The following PDE1C variants were observed in gnomAD, a reference collection of about 807,000 sequenced individuals.
The protein encoded by PDE1C is dual specificity calcium/calmodulin-dependent 3',5'-cyclic nucleotide phosphodiesterase 1C.
Under a neutral mutation model 93.1 loss-of-function variants are expected in PDE1C, and 62 were observed. The ratio of observed to expected loss-of-function variants is 0.67; its 90% CI spans 0.54 to 0.82. The LOEUF is 0.82. Ranked by LOEUF, PDE1C falls within the 40% of genes least tolerant of loss-of-function variation. The probability of loss-of-function intolerance (pLI) is 0.00; values close to 1 mark genes in which losing one functional copy is unlikely to be tolerated. For missense variants in PDE1C, 742 were observed against 884.6 expected (o/e 0.84, Z 2.04); for synonymous variants, 325 against 310.1 (o/e 1.05, Z -0.50).
At chr7:31,711,785 C>G in the PDE1C span, among the ~76,000 whole-genome samples, 6 of 152,172 alleles carry the variant, frequency 3.9e-5, no homozygotes, top group Non-Finnish European at 7.4e-5. Flanking sequence ...TAAAGTGACC[C>G]TTTTCAAACA....
chr7:32,101,952 G>C (rs1798062290), intron 3 of PDE1C, among the ~76,000 whole-genome samples: 2 of 152,154 alleles, frequency 1.3e-5, no homozygotes, highest in Non-Finnish European at 2.9e-5. Context: ...TAGAGTGAGG[G>C]TGAGAGAAAG....
intron 2 of PDE1C, among the ~76,000 whole-genome samples, chr7:32,027,929 T>C (rs145668358): frequency 6.6e-6 from 1 of 152,124 alleles, no homozygotes; most frequent in Non-Finnish European, 1.5e-5. Flanking sequence ...CAAGTCTTCT[T>C]GGGATTCAGA....
In PDE1C at chr7:31,873,348, G is replaced by T. The variant is rs371074341; in HGVS notation, c.553C>A (p.Leu185Met). The T allele has an allele frequency of 1.2e-6, 2 of 1,613,860 alleles. No individual in the cohort carries two copies. Among genetic ancestry groups the T allele is most frequent in the Non-Finnish European group, 1.7e-6 (2 of 1,179,798 alleles). Reference sequence around the variant, plus strand: ...AGTAGTTCATAGAAAATAAATTTCAGTGCATGATCCCCACTGGCCTCATTG... The same window carrying T: ...AGTAGTTCATAGAAAATAAATTTCATTGCATGATCCCCACTGGCCTCATTG... ...SLNEASGDHA[L>M]KFIFYELLTR... The change falls in exon 6 of 18, where the codon CTG becomes ATG. Residue 185 changes from leucine to methionine, a missense_variant. Physicochemically the swap from Leu to Met is conservative, Grantham distance 15. Around this residue, in one of 4 missense-constraint regions of PDE1C, gnomAD observed 205 missense variants for 295.3 expected, o/e 0.69. Transcript: ENST00000396191.
intron 2 of PDE1C, among the ~76,000 whole-genome samples, chr7:31,941,811 T>C (rs1190268450): frequency 6.6e-6 from 1 of 152,168 alleles, no homozygotes; most frequent in Non-Finnish European, 1.5e-5. Flanking sequence ...TCACTTGTGA[T>C]ATTATGACAA....
chr7:31,827,002 A>T lies in PDE1C; in HGVS notation c.1285+1290T>A, dbSNP rs563228688. Among the ~76,000 whole-genome samples, 17 of 152,342 alleles carry T rather than the reference A, an allele frequency of 1.1e-4. No individual in the cohort carries two copies. The South Asian group carries it at 1.2e-3, about 11-fold the overall frequency. ...TATTTACAAGAACAGGTGGTGGGCC[A>T]GATTAAGCCCACAGGCTAAAACATA... On this transcript the variant is annotated intron_variant, in intron 12 of 17. Transcript: ENST00000396191.
chr7:32,415,446 G>A (rs1236878526), intron 1 of PDE1C, among the ~76,000 whole-genome samples: 7 of 152,166 alleles, frequency 4.6e-5, no homozygotes, highest in South Asian at 2.1e-4. Flanking sequence ...GCAAGACTCC[G>A]TCTCAAAAAT....
intron 9 of PDE1C, 74 bp downstream of exon 9, chr7:31,847,894 C>G: frequency 6.6e-7 from 1 of 1,524,970 alleles, no homozygotes; most frequent in Non-Finnish European, 9.0e-7. Context: ...GTTCTTTTCT[C>G]AAAAACAGCA....
At chr7:32,395,380 AG>A (rs1222011573) in intron 1 of PDE1C, among the ~76,000 whole-genome samples, 6 of 152,162 alleles carry the variant, frequency 3.9e-5, no homozygotes, top group Non-Finnish European at 7.3e-5. Context: ...CAGAAAGATG[AG>A]GGGGGCAAGA....
chr7:32,383,497 G>A (rs1295402919), intron 1 of PDE1C, among the ~76,000 whole-genome samples: 1 of 152,220 alleles, frequency 6.6e-6, no homozygotes, highest in Admixed American at 6.5e-5. Flanking sequence ...GAAGCAAAAA[G>A]ACTTCAGATC....
chr7:31,709,762 A>G, the PDE1C span, among the ~76,000 whole-genome samples: 5 of 152,194 alleles, frequency 3.3e-5, no homozygotes. Flanking sequence ...CTGGCCAGGT[A>G]AAGTAGAAAT....
intron 1 of PDE1C, among the ~76,000 whole-genome samples, chr7:32,242,496 GAA>G (rs1431708039): frequency 4.6e-5 from 7 of 152,356 alleles, no homozygotes; most frequent in Non-Finnish European, 7.3e-5. Context: ...GTCGGTTAAT[GAA>G]AAGAGAAGGG....
intron 3 of PDE1C, chr7:32,077,807 G>T: frequency 1.1e-6 from 1 of 933,572 alleles, no homozygotes; most frequent in Non-Finnish European, 1.3e-6. Flanking sequence ...CTGACTTCAG[G>T]ATCCACCTGC....
intron 1 of PDE1C, among the ~76,000 whole-genome samples, chr7:32,279,133 G>A (rs1434855508): frequency 1.3e-5 from 2 of 152,128 alleles, no homozygotes; most frequent in African/African-American, 2.4e-5. Context: ...CACTAACATA[G>A]CGTAGCAAGT....
Position 32,127,563 on chromosome 7 carries a change from TAAG to T in PDE1C, c.308+42219_308+42221del, listed in dbSNP as rs760839918. ...CAGCAAAACTAAAAATAGAACCAAATAAGAAGTCAGGAAAAGAAAGTAACAAAT... is the reference window on the plus strand; with the variant it reads ...CAGCAAAACTAAAAATAGAACCAAATAAGTCAGGAAAAGAAAGTAACAAAT... On this transcript the variant is annotated intron_variant, in intron 3 of 18. Coordinates refer to the PDE1C transcript ENST00000396193. Among the ~76,000 whole-genome samples, 90 of 152,048 alleles carry T rather than the reference TAAG, an allele frequency of 5.9e-4. 1 individual carries two copies. The highest frequency in any genetic ancestry group is 2.2e-3 in the Admixed American group (33 of 15,264).
rs190820120 is a variant in PDE1C, at chr7:32,270,793, C to A, written c.85+27858G>T. Among the ~76,000 whole-genome samples, 174 of 152,168 alleles carry A rather than the reference C, an allele frequency of 1.1e-3. 1 individual carries two copies. Among genetic ancestry groups the A allele is most frequent in the African/African-American group, 4.0e-3 (166 of 41,520 alleles). On this transcript the variant is annotated intron_variant, in intron 1 of 18. Coordinates refer to the PDE1C transcript ENST00000396193. Reference sequence around the variant, plus strand: ...CCAGCTTTGCCATTTAGCAGCTTAACCACCTTGTGCCTCTGTTTCCTCCAA... The same window carrying A: ...CCAGCTTTGCCATTTAGCAGCTTAAACACCTTGTGCCTCTGTTTCCTCCAA...
At chr7:31,989,386 T>C (rs1175174864) in intron 2 of PDE1C, among the ~76,000 whole-genome samples, 1 of 152,184 alleles carries the variant, frequency 6.6e-6, no homozygotes, top group Non-Finnish European at 1.5e-5. Flanking sequence ...TTTTCAATGA[T>C]TTTTCCACCA....
intron 1 of PDE1C, among the ~76,000 whole-genome samples, chr7:32,394,059 T>C (rs1275946189): frequency 6.6e-6 from 1 of 152,248 alleles, no homozygotes; most frequent in Admixed American, 6.5e-5. Flanking sequence ...TCAGTCATTG[T>C]ACAAAGCTGT....
At chr7:31,662,944 C>G in the PDE1C span, among the ~76,000 whole-genome samples, 2 of 152,308 alleles carry the variant, frequency 1.3e-5, no homozygotes, top group African/African-American at 4.8e-5. Flanking sequence ...TCAAAGAGTT[C>G]TTACTGCATG....
chr7:31,955,263 C>T (rs1807968744), intron 2 of PDE1C, among the ~76,000 whole-genome samples: 1 of 152,168 alleles, frequency 6.6e-6, no homozygotes, highest in Non-Finnish European at 1.5e-5. Context: ...TGGTTTGTCA[C>T]GTATGATTAA....
Sources: gnomAD v4.1 joint callset for allele counts (sites outside exome capture counted in the v4.1 genomes callset) on GRCh38, gnomAD v4.1.1 for gene constraint, gnomAD v4.1.1 regional missense constraint, MANE v1.5 for transcripts, NCBI Gene and HGNC (gene_info 2026-07-23, HGNC 2026-07-21) for gene names.